GUCY1A2: variants seen among roughly 807,000 people sequenced by gnomAD.
GUCY1A2 encodes the protein guanylate cyclase soluble subunit alpha-2.
GUCY1A2 carries 27 observed loss-of-function variants against 63.5 expected under a neutral mutation model. That is an observed-to-expected ratio of 0.43 (90% CI 0.31 to 0.59). GUCY1A2 has a LOEUF of 0.59. Ranked by LOEUF, GUCY1A2 falls within the 20% of genes least tolerant of loss-of-function variation. The pLI is 0.11. For synonymous variants in GUCY1A2, 364 were observed against 343.5 expected (o/e 1.06, Z -0.66); for missense variants, 768 against 913.3 (o/e 0.84, Z 2.05).
At position 106,688,923 on chromosome 11, in the gene GUCY1A2, G is replaced by T. The variant is rs1300015637; in HGVS notation, c.1992-1167C>A. Among the ~76,000 whole-genome samples the T allele has an allele frequency of 2.6e-5, 4 of 152,136 alleles. No homozygotes were observed. The South Asian group carries it at 8.3e-4, about 31-fold the overall frequency. On this transcript the variant is annotated intron_variant, in intron 7 of 7. Coordinates refer to ENST00000526355, the MANE Select transcript of GUCY1A2 (RefSeq NM_000855.3). ...GGTAAGAATGAGGGTTAAGGCTGGGGCAGTAGGTTAGGAAAAAGTTTTAAA... is the reference window on the plus strand; with the variant it reads ...GGTAAGAATGAGGGTTAAGGCTGGGTCAGTAGGTTAGGAAAAAGTTTTAAA...
chr11:106,995,235 T>C (rs936993070), intron 1 of GUCY1A2, among the ~76,000 whole-genome samples: 2 of 152,234 alleles, frequency 1.3e-5, no homozygotes, highest in Non-Finnish European at 2.9e-5. Context: ...CACTGGACCC[T>C]ACGTGTCACA....
intron 1 of GUCY1A2, among the ~76,000 whole-genome samples, chr11:106,988,569 C>G (rs975633260): frequency 2.0e-5 from 3 of 152,162 alleles, no homozygotes; most frequent in Non-Finnish European, 4.4e-5. Context: ...TTGTGTGAAG[C>G]AATTACTTCC....
At chr11:107,004,114 G>A (rs1861642585) in intron 1 of GUCY1A2, among the ~76,000 whole-genome samples, 1 of 152,130 alleles carries the variant, frequency 6.6e-6, no homozygotes, top group South Asian at 2.1e-4. Flanking sequence ...AGGGCTGACT[G>A]TCAACAGAAC....
chr11:106,788,480 G>C (rs779985953), intron 5 of GUCY1A2, among the ~76,000 whole-genome samples: 1 of 152,118 alleles, frequency 6.6e-6, no homozygotes, highest in East Asian at 1.9e-4. Flanking sequence ...GTCCTGAAGA[G>C]TTTCTCTAAT....
intron 4 of GUCY1A2, among the ~76,000 whole-genome samples, chr11:106,902,487 T>C (rs117321214): frequency 0.012 from 1,892 of 152,322 alleles, 26 homozygotes; most frequent in South Asian, 0.046. Flanking sequence ...CCTACCTAGA[T>C]GGCATCTTCT....
intron 4 of GUCY1A2, among the ~76,000 whole-genome samples, chr11:106,825,312 C>T (rs183073468): frequency 6.6e-5 from 10 of 151,778 alleles, no homozygotes; most frequent in African/African-American, 2.4e-4. Flanking sequence ...ATTATACTGA[C>T]AGAGGCTCAA....
chr11:106,799,217 C>G (rs1314492677), intron 5 of GUCY1A2, among the ~76,000 whole-genome samples: 1 of 152,094 alleles, frequency 6.6e-6, no homozygotes, highest in East Asian at 1.9e-4. Context: ...TGAAGGAGAA[C>G]TACAAACCAC....
chr11:106,746,984 G>A (rs1008440835), intron 6 of GUCY1A2, among the ~76,000 whole-genome samples: 2 of 151,756 alleles, frequency 1.3e-5, no homozygotes, highest in Non-Finnish European at 2.9e-5. Flanking sequence ...AAAGATGTGG[G>A]TTTTTTTTGT....
intron 4 of GUCY1A2, among the ~76,000 whole-genome samples, chr11:106,934,625 C>T (rs1055172039): frequency 2.0e-5 from 3 of 152,086 alleles, no homozygotes; most frequent in East Asian, 1.9e-4. Flanking sequence ...TGTTTCCCAG[C>T]GTTTGATTGT....
chr11:106,707,045 G>C (rs529415587), intron 7 of GUCY1A2, among the ~76,000 whole-genome samples: 3 of 152,108 alleles, frequency 2.0e-5, no homozygotes, highest in Non-Finnish European at 4.4e-5. Context: ...GAAGTTGTCT[G>C]TGAGGCCCTC....
intron 1 of GUCY1A2, among the ~76,000 whole-genome samples, chr11:107,009,630 A>T (rs1367170592): frequency 6.6e-6 from 1 of 152,220 alleles, no homozygotes; most frequent in African/African-American, 2.4e-5. Context: ...AAAGCTACAA[A>T]TGGTGAAACC....
chr11:107,014,632 TC>T (rs1442643927), intron 1 of GUCY1A2, among the ~76,000 whole-genome samples: 1 of 152,206 alleles, frequency 6.6e-6, no homozygotes, highest in African/African-American at 2.4e-5. Flanking sequence ...CTATTAAGCA[TC>T]AAAAACCTGA....
chr11:106,830,255 T>C (rs1205451591), intron 4 of GUCY1A2, among the ~76,000 whole-genome samples: 1 of 152,170 alleles, frequency 6.6e-6, no homozygotes, highest in Non-Finnish European at 1.5e-5. Context: ...CAAAGGATAG[T>C]TGTATTATGT....
In GUCY1A2 at chr11:107,015,561, C is replaced by CA. The variant is rs568139219; in HGVS notation, c.303+2191dup. ...TTAGAAATCTGTAAATTCTCTTAGG[C>CA]AAAAAAAAAAAAAAAAAAAAAAAAA... On this transcript the variant is annotated intron_variant, in intron 1 of 7. Coordinates refer to ENST00000526355, the MANE Select transcript of GUCY1A2 (RefSeq NM_000855.3). Among the ~76,000 whole-genome samples the CA allele has an allele frequency of 7.3e-5, 2 of 27,480 alleles. 1 individual carries two copies. The highest frequency in any genetic ancestry group is 1.3e-4 in the Non-Finnish European group (2 of 14,832). 18.0% of individuals were successfully genotyped at this position (27,480 alleles called of 152,430 possible). A position where few individuals can be genotyped will look rare whatever the true frequency, so the allele number is the denominator to read the frequency against.
At chr11:106,872,498 A>C (rs1859693287) in intron 4 of GUCY1A2, among the ~76,000 whole-genome samples, 1 of 152,202 alleles carries the variant, frequency 6.6e-6, no homozygotes, top group African/African-American at 2.4e-5. Context: ...AATTCTGAAG[A>C]CTAGAAGATA....
intron 1 of GUCY1A2, among the ~76,000 whole-genome samples, chr11:107,005,794 T>C (rs183107636): frequency 1.6e-4 from 24 of 152,186 alleles, no homozygotes; most frequent in Non-Finnish European, 3.1e-4. Flanking sequence ...ACATCTTTTA[T>C]AAGTATATTA....
chr11:106,713,559 T>A (rs527542612), intron 6 of GUCY1A2, among the ~76,000 whole-genome samples: 11 of 138,638 alleles, frequency 7.9e-5, no homozygotes, highest in African/African-American at 2.5e-4. Context: ...CAGGCTGGAG[T>A]GCAGTGGCGC....
chr11:106,715,358 GA>G lies in GUCY1A2; in HGVS notation c.1837-6693del, dbSNP rs1373076022. On this transcript the variant is annotated intron_variant, in intron 6 of 7. Coordinates refer to ENST00000526355, the MANE Select transcript of GUCY1A2 (RefSeq NM_000855.3). ...AGCTCCCTCATTTTACAAATAGACT[GA>G]AGCTCAAAAGAGCACAATGAAAACA... Among the ~76,000 whole-genome samples, 4 of 152,146 alleles carry G rather than the reference GA, an allele frequency of 2.6e-5. No individual in the cohort carries two copies. The East Asian group carries it at 7.7e-4, about 29-fold the overall frequency.
Position 106,687,302 on chromosome 11 carries a change from A to G in GUCY1A2, c.*247T>C. On this transcript the variant is annotated 3_prime_UTR_variant, in exon 8 of 8. Coordinates refer to ENST00000526355, the MANE Select transcript of GUCY1A2 (RefSeq NM_000855.3). ...GGGGACCCACACTTGTAATTAAAATATATGTGTATATATATGACCAAAACC... is the reference window on the plus strand; with the variant it reads ...GGGGACCCACACTTGTAATTAAAATGTATGTGTATATATATGACCAAAACC... 4.6e-6 allele frequency: 2 copies of G among 434,932 alleles called. No homozygotes were observed. Among genetic ancestry groups the G allele is most frequent in the Non-Finnish European group, 8.2e-6 (2 of 243,484 alleles). The allele number at this position is 434,932 out of a possible 1,614,324, so 26.9% of individuals were successfully genotyped here.
Sources: allele counts gnomAD v4.1 joint callset (sites outside exome capture counted in the v4.1 genomes callset), GRCh38; gene constraint gnomAD v4.1.1; transcripts MANE v1.5; gene names NCBI Gene and HGNC (gene_info 2026-07-23, HGNC 2026-07-21).